SNTG1: variants seen among roughly 807,000 people sequenced by gnomAD.
The protein encoded by SNTG1 is gamma-1-syntrophin.
In SNTG1, 39 loss-of-function variants were observed where a neutral mutation model predicts 74.7. The ratio of observed to expected loss-of-function variants is 0.52; its 90% CI spans 0.40 to 0.68. SNTG1 has a LOEUF of 0.68. Among genes scored for constraint, SNTG1 ranks in the 30% least tolerant of loss-of-function variants. The pLI is 0.00. For synonymous variants in SNTG1, 254 were observed against 217.1 expected, an observed-to-expected ratio of 1.17 and a Z score of -1.49; for missense variants, 685 against 609.5, an observed-to-expected ratio of 1.12 and a Z score of -1.30.
At chr8:50,496,591 T>C (rs563816900) in intron 8 of SNTG1, among the ~76,000 whole-genome samples, 1 of 152,312 alleles carries the variant, frequency 6.6e-6, no homozygotes, top group Non-Finnish European at 1.5e-5. Context: ...TTCTTCTTAA[T>C]AGATGAATGG....
chr8:50,561,802 C>T (rs970891658), intron 12 of SNTG1, among the ~76,000 whole-genome samples: 8 of 152,166 alleles, frequency 5.3e-5, no homozygotes, highest in African/African-American at 1.9e-4. Flanking sequence ...TCACATTATT[C>T]CATCATACAC....
At position 50,111,419 on chromosome 8, in the gene SNTG1, C is replaced by A. The variant is rs913737422; in HGVS notation, c.-102-61142C>A. On this transcript the variant is annotated intron_variant, in intron 1 of 18. Transcript: ENST00000642720. The stretch of plus-strand genomic sequence containing the variant: ...ATATCCTCTCTCTGTCTCTTTCTCT[C>A]TCTCTCTCTTTCCCTCTTCTTCTCA... 4.3e-4 allele frequency among the ~76,000 whole-genome samples: 66 copies of A among 152,058 alleles called. 1 individual carries two copies. The highest frequency in any genetic ancestry group is 1.5e-3 in the African/African-American group (64 of 41,480).
chr8:50,116,700 TGG>T (rs1262016974), intron 1 of SNTG1, among the ~76,000 whole-genome samples: 1 of 152,178 alleles, frequency 6.6e-6, no homozygotes, highest in East Asian at 1.9e-4. Context: ...GTTAGGTTGT[TGG>T]TGTGCCAGAA....
intron 1 of SNTG1, among the ~76,000 whole-genome samples, chr8:50,086,168 A>T (rs61619561): frequency 6.6e-6 from 1 of 152,202 alleles, no homozygotes; most frequent in Non-Finnish European, 1.5e-5. Flanking sequence ...ATTGGGCCAC[A>T]TAGGGGACTA....
At chr8:50,772,468 A>G (rs1346458486) in intron 18 of SNTG1, among the ~76,000 whole-genome samples, 2 of 152,152 alleles carry the variant, frequency 1.3e-5, no homozygotes, top group Non-Finnish European at 2.9e-5. Context: ...TATCTTGGAA[A>G]TAAATAACTT....
At chr8:50,531,328 C>CT (rs534775183) in intron 10 of SNTG1, among the ~76,000 whole-genome samples, 10,817 of 144,194 alleles carry the variant, frequency 0.075, 590 homozygotes, top group African/African-American at 0.15. Flanking sequence ...ATCTTTGAAA[C>CT]TTTTTTTTTT....
intron 11 of SNTG1, among the ~76,000 whole-genome samples, chr8:50,549,380 A>G (rs1247995922): frequency 6.6e-6 from 1 of 152,000 alleles, no homozygotes; most frequent in Non-Finnish European, 1.5e-5. Flanking sequence ...ACATCCCCCT[A>G]CCAATTAAGT....
At chr8:50,330,675 G>C (rs1024173932) in intron 2 of SNTG1, among the ~76,000 whole-genome samples, 2 of 152,180 alleles carry the variant, frequency 1.3e-5, no homozygotes, top group African/African-American at 4.8e-5. Flanking sequence ...AAAGGAAAGA[G>C]GTTTCATTGA....
At chr8:50,091,491 T>C (rs1319905642) in intron 1 of SNTG1, among the ~76,000 whole-genome samples, 1 of 152,168 alleles carries the variant, frequency 6.6e-6, no homozygotes, top group Non-Finnish European at 1.5e-5. Flanking sequence ...TACTCTGTTT[T>C]TATGTCATTA....
chr8:50,005,955 CTTTTTTT>C (rs57041850), intron 1 of SNTG1, among the ~76,000 whole-genome samples: 8 of 89,394 alleles, frequency 8.9e-5, no homozygotes, highest in African/African-American at 4.3e-4. Flanking sequence ...ATTACTTGCA[CTTTTTTT>C]TTTTTTTTTT....
At chr8:50,544,594 C>T (rs1244178570) in intron 11 of SNTG1, among the ~76,000 whole-genome samples, 4 of 152,064 alleles carry the variant, frequency 2.6e-5, no homozygotes, top group Non-Finnish European at 4.4e-5. Context: ...AAGGAATTGT[C>T]TGAATGGGTC....
intron 5 of SNTG1, among the ~76,000 whole-genome samples, chr8:50,441,178 T>C (rs1266088429): frequency 1.3e-5 from 2 of 152,174 alleles, no homozygotes; most frequent in Non-Finnish European, 1.5e-5. Flanking sequence ...GGCTGTGGGC[T>C]GTGGGCAACA....
intron 4 of SNTG1, among the ~76,000 whole-genome samples, chr8:50,432,904 T>C (rs762846495): frequency 3.3e-5 from 5 of 151,988 alleles, no homozygotes; most frequent in Non-Finnish European, 7.4e-5. Flanking sequence ...GATTCTCCTG[T>C]CTCAGCTTCC....
intron 8 of SNTG1, among the ~76,000 whole-genome samples, chr8:50,457,454 G>C (rs899248079): frequency 2.6e-5 from 4 of 152,102 alleles, no homozygotes; most frequent in African/African-American, 9.7e-5. Flanking sequence ...GCCTTCCCAA[G>C]GAGCAAATGT....
chr8:50,284,090 G>A (rs994856411), intron 2 of SNTG1, among the ~76,000 whole-genome samples: 18 of 151,870 alleles, frequency 1.2e-4, no homozygotes, highest in African/African-American at 3.4e-4. Flanking sequence ...TGTCTGTAAC[G>A]GTGTCACAGA....
rs4391450 is a variant in SNTG1, at chr8:50,578,735, G to A, written c.811-12144G>A. Among the ~76,000 whole-genome samples, 1,224 of 152,248 alleles carry A rather than the reference G, an allele frequency of 8.0e-3. 15 individuals are homozygous for A. The highest frequency in any genetic ancestry group is 0.027 in the African/African-American group (1,110 of 41,566). ...TGGCATTTCTCCTTGCTGCCGCCAC[G>A]TAAAGAAGGATGTGTTTGCTTCCCC... On this transcript the variant is annotated intron_variant, in intron 12 of 18. Coordinates refer to ENST00000642720, the MANE Select transcript of SNTG1 (RefSeq NM_018967.5).
intron 13 of SNTG1, among the ~76,000 whole-genome samples, chr8:50,623,935 T>C (rs2094940192): frequency 6.6e-6 from 1 of 152,046 alleles, no homozygotes; most frequent in South Asian, 2.1e-4. Context: ...ATTTTTCCCA[T>C]ATTCTTTTGA....
intron 10 of SNTG1, among the ~76,000 whole-genome samples, chr8:50,532,571 G>T (rs2094277648): frequency 2.0e-5 from 3 of 152,216 alleles, no homozygotes; most frequent in Non-Finnish European, 4.4e-5. Context: ...TGCTCGCACG[G>T]GAGCATTAAC....
intron 18 of SNTG1, among the ~76,000 whole-genome samples, chr8:50,783,820 G>C (rs374282659): frequency 1.4e-4 from 21 of 152,274 alleles, no homozygotes; most frequent in East Asian, 9.7e-4. Context: ...GACTGGAGCT[G>C]TTCCTATTTG....
Sources: allele counts gnomAD v4.1 joint callset (sites outside exome capture counted in the v4.1 genomes callset), GRCh38; gene constraint gnomAD v4.1.1; transcripts MANE v1.5; gene names NCBI Gene and HGNC (gene_info 2026-07-23, HGNC 2026-07-21).